The following ALPK1 variants were observed in gnomAD, a reference collection of about 807,000 sequenced individuals.
ALPK1 encodes the protein alpha-protein kinase 1.
Under a neutral mutation model 120.6 loss-of-function variants are expected in ALPK1, and 110 were observed. The ratio of observed to expected loss-of-function variants is 0.91; its 90% CI spans 0.78 to 1.07. The LOEUF is 1.07. Ranked by LOEUF, ALPK1 falls within the 50% of genes least tolerant of loss-of-function variation. The pLI is 0.00. For synonymous variants in ALPK1, 582 were observed against 560.3 expected (o/e 1.04, Z -0.55); for missense variants, 1,498 against 1,483.9 (o/e 1.01, Z -0.16).
At chr4:112,324,118 G>C (rs1728988423) in intron 2 of ALPK1, among the ~76,000 whole-genome samples, 1 of 152,146 alleles carries the variant, frequency 6.6e-6, no homozygotes, top group Non-Finnish European at 1.5e-5. Flanking sequence ...ACGAGGTCAG[G>C]AGATCGAGAC....
In ALPK1 at chr4:112,392,773, C is replaced by T. The variant is rs143399477; in HGVS notation, c.276+10221C>T. 4.1e-4 allele frequency among the ~76,000 whole-genome samples: 63 copies of T among 152,296 alleles called. No individual in the cohort carries two copies. The East Asian group carries it at 0.012, about 29-fold the overall frequency. ...CTCAAACTCCTGAGCTCAAGTGATC[C>T]ACCTGCCTAGGCCTCCCAAAGTGCT... On this transcript the variant is annotated intron_variant, in intron 4 of 15. Transcript: ENST00000650871.
chr4:112,437,934 T>C (rs1734856498), intron 12 of ALPK1, among the ~76,000 whole-genome samples: 1 of 152,252 alleles, frequency 6.6e-6, no homozygotes, highest in Non-Finnish European at 1.5e-5. Flanking sequence ...TTTACTGCCT[T>C]GTGTCTTCCC....
rs1403250389 is a variant in ALPK1, at chr4:112,422,969, C to T, written c.476-975C>T. Among the ~76,000 whole-genome samples the T allele has an allele frequency of 8.5e-5, 13 of 152,170 alleles. 1 individual carries two copies. In the East Asian group the frequency reaches 2.3e-3, roughly 27 times the overall value. ...CATTTGTCAAAACAGGTCACAGGGCCAGTTGTGTTCAAGGTGAAGGGAAAT... is the reference window on the plus strand; with the variant it reads ...CATTTGTCAAAACAGGTCACAGGGCTAGTTGTGTTCAAGGTGAAGGGAAAT... On this transcript the variant is annotated intron_variant, in intron 5 of 15. Transcript: ENST00000650871.
At chr4:112,383,212 G>A (rs979786564) in intron 4 of ALPK1, 17 of 151,938 alleles carry the variant, frequency 1.1e-4, no homozygotes, top group African/African-American at 3.6e-4. Flanking sequence ...AGGGAGAACC[G>A]TTTTCCTTTT....
At chr4:112,422,589 A>C (rs1170830686) in intron 5 of ALPK1, among the ~76,000 whole-genome samples, 3 of 152,176 alleles carry the variant, frequency 2.0e-5, no homozygotes, top group Non-Finnish European at 4.4e-5. Context: ...GTAGTACTCC[A>C]CTTTTAAGTG....
At chr4:112,360,384 A>G (rs1452784478) in intron 2 of ALPK1, among the ~76,000 whole-genome samples, 2 of 152,200 alleles carry the variant, frequency 1.3e-5, no homozygotes, top group East Asian at 1.9e-4. Context: ...GCGGCCATGA[A>G]TATGGAAGTG....
At chr4:112,399,194 G>T (rs1732798328) in intron 4 of ALPK1, among the ~76,000 whole-genome samples, 1 of 152,200 alleles carries the variant, frequency 6.6e-6, no homozygotes, top group African/African-American at 2.4e-5. Flanking sequence ...TCTCAGAACT[G>T]ATCGCTAGGG....
chr4:112,322,611 T>C (rs183657996), intron 2 of ALPK1, among the ~76,000 whole-genome samples: 2 of 152,284 alleles, frequency 1.3e-5, no homozygotes, highest in East Asian at 3.9e-4. Flanking sequence ...GGAGTTTAAA[T>C]TATAGTGAGG....
intron 2 of ALPK1, among the ~76,000 whole-genome samples, chr4:112,332,456 T>A (rs572251647): frequency 2.0e-5 from 3 of 152,246 alleles, no homozygotes; most frequent in Admixed American, 6.5e-5. Flanking sequence ...CTTAGTCACA[T>A]ATATGTCTTG....
intron 2 of ALPK1, among the ~76,000 whole-genome samples, chr4:112,329,258 A>C (rs1367824893): frequency 6.6e-6 from 1 of 152,238 alleles, no homozygotes; most frequent in African/African-American, 2.4e-5. Flanking sequence ...TTAGACAAAC[A>C]TTATTCCTAA....
intron 9 of ALPK1, among the ~76,000 whole-genome samples, chr4:112,428,840 T>A (rs1272948318): frequency 6.6e-6 from 1 of 152,206 alleles, no homozygotes; most frequent in African/African-American, 2.4e-5. Flanking sequence ...AAGGGCTCTT[T>A]GCCAAGAGCG....
At chr4:112,413,938 T>A (rs1293577082) in intron 5 of ALPK1, among the ~76,000 whole-genome samples, 1 of 152,192 alleles carries the variant, frequency 6.6e-6, no homozygotes, top group Non-Finnish European at 1.5e-5. Flanking sequence ...AAGACACTAT[T>A]AAAAGTGCCA....
chr4:112,328,661 A>C (rs987953733), intron 2 of ALPK1, among the ~76,000 whole-genome samples: 2 of 152,194 alleles, frequency 1.3e-5, no homozygotes, highest in East Asian at 3.8e-4. Context: ...TGTAATCTCT[A>C]TGCCTTACAT....
intron 1 of ALPK1, among the ~76,000 whole-genome samples, chr4:112,310,824 A>G (rs1463381715): frequency 1.3e-5 from 2 of 152,144 alleles, no homozygotes; most frequent in Non-Finnish European, 2.9e-5. Context: ...AAAAACAAAC[A>G]GTAGCCATTA....
chr4:112,360,209 A>G (rs1205114774), intron 2 of ALPK1, among the ~76,000 whole-genome samples: 2 of 152,068 alleles, frequency 1.3e-5, no homozygotes, highest in East Asian at 1.9e-4. Context: ...TTCATTTAAC[A>G]TAACATCCTC....
At position 112,441,360 on chromosome 4, in the gene ALPK1, C is replaced by A; in HGVS notation, c.*150C>A. The A allele has an allele frequency of 1.3e-6, 1 of 744,334 alleles. No homozygotes were observed. 46.1% of individuals were successfully genotyped at this position (744,334 alleles called of 1,614,324 possible). On this transcript the variant is annotated 3_prime_UTR_variant, in exon 16 of 16. Coordinates refer to ENST00000650871, the MANE Select transcript of ALPK1 (RefSeq NM_025144.4). The stretch of plus-strand genomic sequence containing the variant: ...CTGCAGAGCCTCTTTCCCTCTGCCA[C>A]AGTTATCAAGAATGGGTCAGGAGAC...
intron 4 of ALPK1, among the ~76,000 whole-genome samples, chr4:112,396,566 G>A (rs891926961): frequency 1.3e-5 from 2 of 152,128 alleles, no homozygotes; most frequent in Non-Finnish European, 2.9e-5. Flanking sequence ...AAATGTTAGT[G>A]AAGCTTAATT....
At chr4:112,417,491 T>C (rs1733795542) in intron 5 of ALPK1, among the ~76,000 whole-genome samples, 1 of 152,194 alleles carries the variant, frequency 6.6e-6, no homozygotes, top group Admixed American at 6.5e-5. Context: ...TTTATTTTTG[T>C]TTTTATTTTT....
chr4:112,389,797 A>G (rs781408968), intron 4 of ALPK1, among the ~76,000 whole-genome samples: 5 of 152,188 alleles, frequency 3.3e-5, no homozygotes, highest in African/African-American at 4.8e-5. Flanking sequence ...CCTGCTCTCA[A>G]ATAAGGTCCC....
Sources: gnomAD v4.1 joint callset for allele counts (sites outside exome capture counted in the v4.1 genomes callset) on GRCh38, gnomAD v4.1.1 for gene constraint, MANE v1.5 for transcripts, NCBI Gene and HGNC (gene_info 2026-07-23, HGNC 2026-07-21) for gene names.